Variants in RGS6 observed in about 807,000 individuals in gnomAD.
RGS6 encodes the protein regulator of G protein signaling 6, also known as regulator of G-protein signaling 6.
RGS6 carries 30 observed loss-of-function variants against 78.5 expected under a neutral mutation model. The ratio of observed to expected loss-of-function variants is 0.38; its 90% confidence interval spans 0.29 to 0.52. The LOEUF (loss-of-function observed/expected upper bound fraction) is 0.52. Ranked by LOEUF, RGS6 falls within the 20% of genes least tolerant of loss-of-function variation. RGS6 has a pLI of 0.85. For synonymous variants in RGS6, 206 were observed against 206.0 expected, an observed-to-expected ratio of 1.00 and a Z score of 0.00; for missense variants, 495 against 609.7, an observed-to-expected ratio of 0.81 and a Z score of 1.98.
chr14:72,156,305 G>A (rs1364015697), intron 2 of RGS6, among the ~76,000 whole-genome samples: 1 of 152,142 alleles, frequency 6.6e-6, no homozygotes, highest in African/African-American at 2.4e-5. Flanking sequence ...AATTAGCTGG[G>A]CGTGGTGGCA....
Position 72,345,096 on chromosome 14 carries a change from G to A in RGS6, c.85-6999G>A, listed in dbSNP as rs1035562638. 3.9e-5 allele frequency among the ~76,000 whole-genome samples: 6 copies of A among 152,158 alleles called. No homozygotes were observed. The South Asian group carries it at 1.2e-3, about 32-fold the overall frequency. ...CCTGAGACTTGAGCAGTGATCTGTT[G>A]AGGTCTTCTGGGAAGGAATATGCTT... On this transcript the variant is annotated intron_variant, in intron 2 of 17. Transcript: ENST00000553525.
At chr14:72,016,878 C>G (rs533789016) in intron 2 of RGS6, among the ~76,000 whole-genome samples, 1 of 152,138 alleles carries the variant, frequency 6.6e-6, no homozygotes, top group African/African-American at 2.4e-5. Flanking sequence ...ACAGATAAAT[C>G]GTAAGAATTT....
chr14:72,175,978 A>G (rs2097100138), intron 2 of RGS6, among the ~76,000 whole-genome samples: 1 of 152,174 alleles, frequency 6.6e-6, no homozygotes, highest in African/African-American at 2.4e-5. Flanking sequence ...TTGCTCCCCA[A>G]GTTCACCACC....
At chr14:72,075,901 G>T (rs146639732) in intron 2 of RGS6, among the ~76,000 whole-genome samples, 1 of 152,186 alleles carries the variant, frequency 6.6e-6, no homozygotes, top group Non-Finnish European at 1.5e-5. Flanking sequence ...ACCAAAGTCC[G>T]TGGGAAGAGC....
intron 12 of RGS6, among the ~76,000 whole-genome samples, chr14:72,484,293 G>A (rs774401482): frequency 3.3e-5 from 5 of 152,138 alleles, no homozygotes; most frequent in South Asian, 2.1e-4. Flanking sequence ...TCCAGGCCTC[G>A]TTTTTGTTGG....
intron 1 of RGS6, among the ~76,000 whole-genome samples, chr14:71,947,903 C>T (rs759134047): frequency 2.0e-5 from 3 of 152,042 alleles, no homozygotes; most frequent in East Asian, 1.9e-4. Flanking sequence ...GGCCAGTGTG[C>T]GAAGGAACTT....
chr14:72,363,999 T>TAAAAAAAAAAAAAAAAAAA, intron 3 of RGS6, among the ~76,000 whole-genome samples: 1 of 46,802 alleles, frequency 2.1e-5, no homozygotes, highest in Non-Finnish European at 4.5e-5. Context: ...TGGACAAGGC[T>TAAAAAAAAAAAAAAAAAAA]AAAAAAAAAA....
At chr14:72,336,735 A>C (rs952817444) in intron 2 of RGS6, among the ~76,000 whole-genome samples, 3 of 152,172 alleles carry the variant, frequency 2.0e-5, no homozygotes, top group Admixed American at 6.5e-5. Flanking sequence ...GCTAAGTAAC[A>C]GACAATTATT....
At chr14:71,925,500 C>T in the RGS6 span, among the ~76,000 whole-genome samples, 1 of 152,132 alleles carries the variant, frequency 6.6e-6, no homozygotes, top group South Asian at 2.1e-4. Context: ...AAGGAGCTTT[C>T]CCCCTATGTT....
intron 3 of RGS6, among the ~76,000 whole-genome samples, chr14:72,363,426 C>T (rs1390765395): frequency 6.6e-6 from 1 of 152,154 alleles, no homozygotes; most frequent in Non-Finnish European, 1.5e-5. Flanking sequence ...AGATAGAAAC[C>T]GTTATTATCT....
chr14:72,516,298 G>A (rs2096941830), intron 14 of RGS6, among the ~76,000 whole-genome samples: 2 of 152,186 alleles, frequency 1.3e-5, no homozygotes, highest in Admixed American at 1.3e-4. Flanking sequence ...CTGAGAGAGT[G>A]GACAGAGAGC....
the RGS6 span, among the ~76,000 whole-genome samples, chr14:72,587,199 C>A: frequency 6.6e-6 from 1 of 152,114 alleles, no homozygotes. Flanking sequence ...CTCTAGCATG[C>A]CTTCCTGGAC....
At chr14:72,346,409 T>C (rs1290165533) in intron 2 of RGS6, among the ~76,000 whole-genome samples, 2 of 152,242 alleles carry the variant, frequency 1.3e-5, no homozygotes, top group Non-Finnish European at 2.9e-5. Flanking sequence ...GTCATTTCTC[T>C]GTCTGGCTTC....
intron 12 of RGS6, among the ~76,000 whole-genome samples, chr14:72,488,785 A>G (rs1391402255): frequency 1.3e-5 from 2 of 152,086 alleles, no homozygotes; most frequent in African/African-American, 2.4e-5. Flanking sequence ...AGGGCTCCAT[A>G]TGGGGACTTG....
intron 3 of RGS6, among the ~76,000 whole-genome samples, chr14:72,432,459 A>G (rs973268003): frequency 4.6e-5 from 7 of 152,254 alleles, no homozygotes; most frequent in Non-Finnish European, 7.3e-5. Context: ...TCCATGCACA[A>G]GAGAAGAGAC....
At chr14:72,412,576 C>T (rs958012227) in intron 3 of RGS6, among the ~76,000 whole-genome samples, 1 of 151,884 alleles carries the variant, frequency 6.6e-6, no homozygotes, top group Non-Finnish European at 1.5e-5. Flanking sequence ...CTTCAGTTCT[C>T]CTCTGATCTT....
intron 2 of RGS6, among the ~76,000 whole-genome samples, chr14:72,103,066 G>T (rs375016254): frequency 6.6e-6 from 1 of 152,152 alleles, no homozygotes; most frequent in Non-Finnish European, 1.5e-5. Flanking sequence ...TGAGACCTCC[G>T]TTATTTCAGA....
intron 2 of RGS6, among the ~76,000 whole-genome samples, chr14:72,330,154 C>G (rs1277037243): frequency 6.6e-6 from 1 of 152,186 alleles, no homozygotes; most frequent in African/African-American, 2.4e-5. Flanking sequence ...GATCCCAACC[C>G]AGGATGATGG....
At chr14:72,614,777 GAA>G in the RGS6 span, among the ~76,000 whole-genome samples, 2 of 96,062 alleles carry the variant, frequency 2.1e-5, no homozygotes, top group African/African-American at 4.7e-5. Flanking sequence ...ACAAGCCTCA[GAA>G]AAAAAAAAAA....
Sources: gnomAD v4.1 joint callset for allele counts (sites outside exome capture counted in the v4.1 genomes callset) on GRCh38, gnomAD v4.1.1 for gene constraint, MANE v1.5 for transcripts, NCBI Gene and HGNC (gene_info 2026-07-23, HGNC 2026-07-21) for gene names.